Variants in DBF4 observed in about 807,000 individuals in gnomAD.
The protein encoded by DBF4 is DBF4-CDC7 kinase regulatory subunit.
DBF4 carries 25 observed loss-of-function variants against 76.6 expected under a neutral mutation model. The observed-to-expected ratio is 0.33, with a 90% CI of 0.24 to 0.46. The LOEUF (loss-of-function observed/expected upper bound fraction) is 0.46, where lower values mean the gene tolerates loss of function less well. Ranked by LOEUF, DBF4 falls within the 20% of genes least tolerant of loss-of-function variation. The probability of loss-of-function intolerance (pLI) is 1.00; values close to 1 mark genes in which losing one functional copy is unlikely to be tolerated. For synonymous variants in DBF4, 213 were observed against 258.0 expected, an observed-to-expected ratio of 0.83 and a Z score of 1.67; for missense variants, 638 against 760.8, an observed-to-expected ratio of 0.84 and a Z score of 1.90.
chr7:87,882,471 A>G (rs1386843381), intron 2 of DBF4, among the ~76,000 whole-genome samples: 6 of 152,316 alleles, frequency 3.9e-5, no homozygotes, highest in Admixed American at 3.9e-4. Context: ...ATGAAATTGG[A>G]CTTCATCAGG....
intron 10 of DBF4, among the ~76,000 whole-genome samples, chr7:87,903,615 T>C (rs1178617087): frequency 1.3e-5 from 2 of 152,020 alleles, no homozygotes; most frequent in African/African-American, 2.4e-5. Flanking sequence ...TATTTAGTGA[T>C]AATTGCATGA....
At chr7:87,906,623 A>C (rs557345367) in intron 11 of DBF4, among the ~76,000 whole-genome samples, 79 of 152,320 alleles carry the variant, frequency 5.2e-4, no homozygotes, top group African/African-American at 1.9e-3. Context: ...TAAAAGTTAC[A>C]ACTTTGTCAC....
intron 8 of DBF4, 140 bp downstream of exon 8, chr7:87,897,479 G>A (rs893353297): frequency 1.5e-6 from 1 of 645,672 alleles, no homozygotes; most frequent in Non-Finnish European, 2.5e-6. Flanking sequence ...TGCGGCACAA[G>A]TTAACGAAAG....
At position 87,904,434 on chromosome 7, in the gene DBF4, C is replaced by A. The variant is rs1465877706; in HGVS notation, c.1049+18C>A. 2 of 1,606,600 alleles carry A rather than the reference C, an allele frequency of 1.2e-6. No homozygotes were observed. The highest frequency in any genetic ancestry group is 1.7e-6 in the Non-Finnish European group (2 of 1,175,772). On this transcript the variant is annotated intron_variant, in intron 11 of 11. Coordinates refer to ENST00000265728, the MANE Select transcript of DBF4 (RefSeq NM_006716.4). ...AAGAAAAGGTAATTAGTTTTATCAA[C>A]CTAAGTTTTAAATTCTACTAGGCGG...
chr7:87,900,186 A>T (rs1839739822), intron 8 of DBF4, 35 bp from the exon 9 acceptor site: 1 of 1,521,494 alleles, frequency 6.6e-7, no homozygotes, highest in African/African-American at 1.4e-5. Flanking sequence ...TTTAATCATA[A>T]AGAATCTCAT....
In DBF4 at chr7:87,879,041, C is replaced by A. The variant is rs562705255; in HGVS notation, c.219+816C>A. 6.6e-5 allele frequency among the ~76,000 whole-genome samples: 10 copies of A among 152,288 alleles called. No homozygotes were observed. The South Asian group carries it at 1.9e-3, about 28-fold the overall frequency. On this transcript the variant is annotated intron_variant, in intron 2 of 11. Coordinates refer to ENST00000265728, the MANE Select transcript of DBF4 (RefSeq NM_006716.4). ...CACTGCAACCTCCTCCTCTCAGGTT[C>A]AAGTGATTCTTGTGCCTCAGCCTCT...
In DBF4 at chr7:87,885,158, A is replaced by C; in HGVS notation, c.399A>C (p.Thr133=). The change falls in exon 3 of 12, where the codon ACA becomes ACC. Residue 133 remains threonine (T), a splice_region_variant and synonymous_variant. Coordinates refer to ENST00000265728, the MANE Select transcript of DBF4 (RefSeq NM_006716.4). ...HDGSSFKSPD[T]VCLSRGKLLV... ...GAAGTTCATTTAAGTCACCAGACAC[A>C]GTAAGTCTCTTAAATATGCTTTGAG... 1 of 1,599,854 alleles carries C rather than the reference A, an allele frequency of 6.3e-7. No homozygotes were observed. The highest frequency in any genetic ancestry group is 8.5e-7 in the Non-Finnish European group (1 of 1,172,650).
rs17150028 is a variant in DBF4 at position 87,904,454 on chromosome 7, A to G, written c.1049+38A>G. ...ATCAACCTAAGTTTTAAATTCTACT[A>G]GGCGGCCAGGGGTGGTGGCTCATGC... On this transcript the variant is annotated intron_variant, in intron 11 of 11. Transcript: ENST00000265728. 0.012 allele frequency: 18,378 copies of G among 1,579,466 alleles called. 1,538 individuals carry two copies. In the East Asian group the frequency reaches 0.24, roughly 21 times the overall value.
intron 6 of DBF4, among the ~76,000 whole-genome samples, chr7:87,893,292 G>T (rs1046793255): frequency 9.3e-4 from 128 of 138,278 alleles, no homozygotes; most frequent in South Asian, 2.9e-3. Context: ...AGGCCGGACT[G>T]TGGACTGCAG....
chr7:87,881,569 C>T (rs1443366877), intron 2 of DBF4, among the ~76,000 whole-genome samples: 4 of 152,094 alleles, frequency 2.6e-5, no homozygotes, highest in Non-Finnish European at 5.9e-5. Context: ...GGGTTTTGTT[C>T]ACACACAACT....
intron 2 of DBF4, among the ~76,000 whole-genome samples, chr7:87,879,890 T>G (rs1839168123): frequency 6.6e-6 from 1 of 150,936 alleles, no homozygotes; most frequent in African/African-American, 2.4e-5. Flanking sequence ...GAGGCGGAGG[T>G]TGCAGTGAGC....
At chr7:87,897,512 A>G (rs1839672033) in intron 8 of DBF4, among the ~76,000 whole-genome samples, 173 bp downstream of exon 8, 1 of 152,210 alleles carries the variant, frequency 6.6e-6, no homozygotes, top group Non-Finnish European at 1.5e-5. Flanking sequence ...ATTTGTGCTC[A>G]AGGACTGAAT....
chr7:87,897,882 A>G (rs898855786), intron 8 of DBF4, among the ~76,000 whole-genome samples: 3 of 151,206 alleles, frequency 2.0e-5, no homozygotes, highest in Non-Finnish European at 3.0e-5. Context: ...GGTTCAAGCA[A>G]TTCTCCTGCC....
chr7:87,908,109 TCTG>T lies in DBF4; in HGVS notation c.1972_1974del (p.Leu659del). The T allele has an allele frequency of 1.9e-6, 3 of 1,609,760 alleles. No individual in the cohort carries two copies. Among genetic ancestry groups the T allele is most frequent in the Non-Finnish European group, 2.5e-6 (3 of 1,178,614 alleles). On this transcript the variant is annotated inframe_deletion, in exon 12 of 12. Coordinates refer to ENST00000265728, the MANE Select transcript of DBF4 (RefSeq NM_006716.4). ...TTTGGGAAGAGGAAAATTCAGATAA[TCTG>T]TTAACAGCGTTTTTCTCGTCCCCTT...
chr7:87,887,273 A>C lies in DBF4; in HGVS notation c.451-56A>C, dbSNP rs189093289. The C allele has an allele frequency of 1.3e-4, 158 of 1,259,952 alleles. 2 individuals carry two copies. In the Admixed American group the frequency reaches 3.9e-3, roughly 31 times the overall value. The allele number at this position is 1,259,952 out of a possible 1,614,324, so 78.0% of individuals were successfully genotyped here. ...TTCAAATAATTGAATTTTTATTAAAATTTAGCTCATCTTAAATAATTTCCT... is the reference window on the plus strand; with the variant it reads ...TTCAAATAATTGAATTTTTATTAAACTTTAGCTCATCTTAAATAATTTCCT... On this transcript the variant is annotated intron_variant, in intron 4 of 11. Transcript: ENST00000265728.
intron 3 of DBF4, 45 bp from the exon 4 acceptor site, chr7:87,886,799 C>A: frequency 1.7e-6 from 2 of 1,161,386 alleles, no homozygotes; most frequent in South Asian, 1.3e-5. Context: ...TTAACCTGTT[C>A]TCCAGTTAAG....
intron 6 of DBF4, among the ~76,000 whole-genome samples, chr7:87,890,128 C>A (rs796516641): frequency 2.6e-5 from 4 of 152,266 alleles, no homozygotes; most frequent in African/African-American, 9.6e-5. Flanking sequence ...ACAATAGTTA[C>A]CCTCCTTAAT....
At position 87,907,344 on chromosome 7, in the gene DBF4, C is replaced by A; in HGVS notation, c.1206C>A (p.Thr402=). Reference sequence around the variant, plus strand: ...AGCAGAATTTCCTGTATAAAGAGACCCAGGAAACTGAAAAAAAGCTCCTGT... The same window carrying A: ...AGCAGAATTTCCTGTATAAAGAGACACAGGAAACTGAAAAAAAGCTCCTGT... ...VKEQNFLYKE[T]QETEKKLLFI... is the part of the protein sequence containing the mutation. The change falls in exon 12 of 12, where the codon ACC becomes ACA. Residue 402 remains threonine (T), a synonymous_variant. Transcript: ENST00000265728. 6.2e-7 allele frequency: 1 copy of A among 1,613,832 alleles called. No homozygotes were observed. Among genetic ancestry groups the A allele is most frequent in the Non-Finnish European group, 8.5e-7 (1 of 1,179,896 alleles).
chr7:87,900,696 A>G, intron 9 of DBF4, 68 bp from the exon 10 acceptor site: 1 of 1,287,244 alleles, frequency 7.8e-7, no homozygotes. Context: ...ATAGTTTAGG[A>G]CAATAAATTT....
Sources: allele counts gnomAD v4.1 joint callset (sites outside exome capture counted in the v4.1 genomes callset), GRCh38; gene constraint gnomAD v4.1.1; transcripts MANE v1.5; gene names NCBI Gene and HGNC (gene_info 2026-07-23, HGNC 2026-07-21).